GANC: variants seen among roughly 807,000 people sequenced by gnomAD.
The protein encoded by GANC is glucosidase alpha, neutral C.
A neutral mutation model predicts 124.2 loss-of-function variants in GANC; 117 were observed. The observed-to-expected ratio is 0.94, with a 90% CI of 0.81 to 1.10. GANC has a LOEUF of 1.10. GANC is among the 50% of genes least tolerant of loss of function. The pLI is 0.00. For synonymous variants in GANC, 377 were observed against 376.8 expected (o/e 1.00, Z -0.01); for missense variants, 1,140 against 1,095.0 (o/e 1.04, Z -0.58).
intron 15 of GANC, among the ~76,000 whole-genome samples, chr15:42,331,777 G>A (rs530267575): frequency 3.3e-5 from 5 of 152,158 alleles, no homozygotes; most frequent in South Asian, 4.1e-4. Flanking sequence ...ATAGATTATC[G>A]TGAGGCTATT....
chr15:42,340,784 T>TTTTA, intron 18 of GANC, 30 bp downstream of exon 18: 1 of 1,480,134 alleles, frequency 6.8e-7, no homozygotes, highest in Admixed American at 1.9e-5. Flanking sequence ...TTTTTTTTTT[T>TTTTA]GAGACGGAGT....
Position 42,353,029 on chromosome 15 carries a change from A to C in GANC, c.*890A>C, listed in dbSNP as rs78684656. On this transcript the variant is annotated 3_prime_UTR_variant, in exon 24 of 24. Coordinates refer to ENST00000318010, the MANE Select transcript of GANC (RefSeq NM_198141.3). ...AAAAATCAGAATTAATGCAAAAAAAACCATGATGAACAAAATATTAAAATT... is the reference window on the plus strand; with the variant it reads ...AAAAATCAGAATTAATGCAAAAAAACCCATGATGAACAAAATATTAAAATT... 0.01 allele frequency: 8,587 copies of C among 818,104 alleles called. 439 individuals carry two copies. The African/African-American group carries it at 0.12, about 11-fold the overall frequency. The allele number at this position is 818,104 out of a possible 1,614,324, so 50.7% of individuals were successfully genotyped here. A position where few individuals can be genotyped will look rare whatever the true frequency, so the allele number is the denominator to read the frequency against.
chr15:42,282,523 A>AC (rs2051744160), intron 3 of GANC, among the ~76,000 whole-genome samples: 1 of 152,198 alleles, frequency 6.6e-6, no homozygotes. Context: ...AGAGGATCAT[A>AC]TTCAGCTCAC....
intron 5 of GANC, among the ~76,000 whole-genome samples, chr15:42,294,961 G>A (rs1185949744): frequency 1.4e-5 from 2 of 140,880 alleles, no homozygotes; most frequent in Non-Finnish European, 3.0e-5. Flanking sequence ...CAGATGGTTT[G>A]TGCATTTGTA....
intron 4 of GANC, among the ~76,000 whole-genome samples, chr15:42,288,195 G>A (rs895636839): frequency 4.6e-5 from 7 of 152,208 alleles, no homozygotes; most frequent in African/African-American, 7.2e-5. Context: ...TAGCAGCAGG[G>A]CTCCGGAGAT....
At chr15:42,324,991 C>T (rs949306143) in intron 11 of GANC, among the ~76,000 whole-genome samples, 2 of 151,792 alleles carry the variant, frequency 1.3e-5, no homozygotes, top group African/African-American at 2.4e-5. Flanking sequence ...AGGCTGGGTG[C>T]GGTGGCTCAC....
chr15:42,326,706 G>T (rs1437372766), intron 12 of GANC, among the ~76,000 whole-genome samples: 2 of 152,128 alleles, frequency 1.3e-5, no homozygotes, highest in Non-Finnish European at 2.9e-5. Flanking sequence ...GAGATAAAAA[G>T]TCGGGGAATA....
chr15:42,287,863 C>A (rs1285327909), intron 4 of GANC, 45 bp downstream of exon 4: 2 of 1,569,258 alleles, frequency 1.3e-6, no homozygotes, highest in South Asian at 1.2e-5. Flanking sequence ...TTGATATATT[C>A]TTTTATCATA....
At chr15:42,317,766 A>G (rs1041174667) in intron 10 of GANC, among the ~76,000 whole-genome samples, 1 of 152,206 alleles carries the variant, frequency 6.6e-6, no homozygotes, top group African/African-American at 2.4e-5. Flanking sequence ...AGGAATGACA[A>G]TTTATGGATA....
At position 42,310,537 on chromosome 15, in the gene GANC, A is replaced by G. The variant is rs961507627; in HGVS notation, c.903+74A>G. On this transcript the variant is annotated intron_variant, in intron 9 of 23. Coordinates refer to ENST00000318010, the MANE Select transcript of GANC (RefSeq NM_198141.3). ...CCACTGCAGTGGAGTTATAGCTCTTATCTTTGTATTGGCACTTCTCTGCCA... is the reference window on the plus strand; with the variant it reads ...CCACTGCAGTGGAGTTATAGCTCTTGTCTTTGTATTGGCACTTCTCTGCCA... 6 of 1,479,126 alleles carry G rather than the reference A, an allele frequency of 4.1e-6. No homozygotes were observed. In the African/African-American group the frequency reaches 4.2e-5, roughly 10 times the overall value. 91.6% of individuals were successfully genotyped at this position (1,479,126 alleles called of 1,614,324 possible).
At chr15:42,298,261 A>G (rs1030615249) in intron 6 of GANC, among the ~76,000 whole-genome samples, 3 of 152,174 alleles carry the variant, frequency 2.0e-5, no homozygotes, top group Non-Finnish European at 4.4e-5. Context: ...TATGCAATAT[A>G]TATTTATTTC....
At chr15:42,306,700 C>A in intron 7 of GANC, 88 bp downstream of exon 7, 1 of 839,016 alleles carries the variant, frequency 1.2e-6, no homozygotes, top group Non-Finnish European at 1.8e-6. Flanking sequence ...TCTCTGGCAC[C>A]TAAAACAGGT....
chr15:42,289,715 A>G (rs896216693), intron 4 of GANC, among the ~76,000 whole-genome samples: 5 of 152,150 alleles, frequency 3.3e-5, no homozygotes, highest in African/African-American at 7.2e-5. Context: ...CCTATAGAGA[A>G]TGGGATACTA....
chr15:42,331,178 A>G (rs952907283), intron 15 of GANC, among the ~76,000 whole-genome samples: 2 of 152,184 alleles, frequency 1.3e-5, no homozygotes, highest in Non-Finnish European at 2.9e-5. Flanking sequence ...ATTTTGTCCT[A>G]TAAGACAGAA....
At chr15:42,340,917 C>T (rs1175172560) in intron 18 of GANC, among the ~76,000 whole-genome samples, 163 bp downstream of exon 18, 1 of 151,772 alleles carries the variant, frequency 6.6e-6, no homozygotes, top group African/African-American at 2.4e-5. Flanking sequence ...AGGTGCCCGC[C>T]ACCATGCCCG....
At position 42,300,478 on chromosome 15, in the gene GANC, A is replaced by G. The variant is rs1331746764; in HGVS notation, c.558+2822A>G. ...TAGATGCTGGCGAGGCTTTGGAGAA[A>G]TAGGAATGCTTTTACACTCTTGGTG... On this transcript the variant is annotated intron_variant, in intron 6 of 23. Coordinates refer to ENST00000318010, the MANE Select transcript of GANC (RefSeq NM_198141.3). 2.0e-5 allele frequency among the ~76,000 whole-genome samples: 3 copies of G among 152,230 alleles called. No homozygotes were observed. In the East Asian group the frequency reaches 5.8e-4, roughly 29 times the overall value.
In GANC at chr15:42,274,170, C is replaced by T. The variant is rs2051624931; in HGVS notation, c.-312C>T. ...CGCTCTTGATTTTTACCCTCTAGGA[C>T]TCATTGCGTACACGCCCTCACCGCC... On this transcript the variant is annotated 5_prime_UTR_variant, in exon 1 of 24. Coordinates refer to ENST00000318010, the MANE Select transcript of GANC (RefSeq NM_198141.3). The T allele has an allele frequency of 1.0e-5, 4 of 381,256 alleles. No individual in the cohort carries two copies. In the East Asian group the frequency reaches 2.0e-4, roughly 19 times the overall value. The allele number at this position is 381,256 out of a possible 1,614,324, so 23.6% of individuals were successfully genotyped here.
At chr15:42,340,781 T>TG (rs770765271) in intron 18 of GANC, 27 bp downstream of exon 18, 7 of 1,574,608 alleles carry the variant, frequency 4.4e-6, no homozygotes. Flanking sequence ...TTTTTTTTTT[T>TG]TTTGAGACGG....
intron 15 of GANC, among the ~76,000 whole-genome samples, chr15:42,333,872 G>C (rs986635338): frequency 6.6e-6 from 1 of 152,172 alleles, no homozygotes; most frequent in Non-Finnish European, 1.5e-5. Flanking sequence ...GGAAGCAGGG[G>C]CTGGTGGAGG....
Sources: gnomAD v4.1 joint callset for allele counts (sites outside exome capture counted in the v4.1 genomes callset) on GRCh38, gnomAD v4.1.1 for gene constraint, MANE v1.5 for transcripts, NCBI Gene and HGNC (gene_info 2026-07-23, HGNC 2026-07-21) for gene names.